RBFOX2: variants seen among roughly 807,000 people sequenced by gnomAD.
The protein encoded by RBFOX2 is RNA binding protein fox-1 homolog 2.
In RBFOX2, 10 loss-of-function variants were observed where a neutral mutation model predicts 49.1. That is an observed-to-expected ratio of 0.20 (90% CI 0.13 to 0.35). The LOEUF is 0.35. Ranked by LOEUF, RBFOX2 falls within the 10% of genes least tolerant of loss-of-function variation. The pLI, the probability that RBFOX2 is intolerant of heterozygous loss-of-function variation, is 1.00. For missense variants in RBFOX2, 323 were observed against 486.9 expected (o/e 0.66, Z 3.17); for synonymous variants, 183 against 187.4 (o/e 0.98, Z 0.19).
intron 1 of RBFOX2, among the ~76,000 whole-genome samples, chr22:35,889,862 GTGT>G (rs1354398900): frequency 2.6e-5 from 4 of 152,256 alleles, no homozygotes; most frequent in South Asian, 2.1e-4. Context: ...CCTGAATAAG[GTGT>G]TGTTATTAGC....
chr22:36,028,509 C>T, exon 1 of RBFOX2: 1 of 1,034,762 alleles, frequency 9.7e-7, no homozygotes, highest in Non-Finnish European at 1.2e-6. Flanking sequence ...ACTGTCGCGA[C>T]AGGCGGGCGC....
At chr22:35,887,453 C>T (rs2046722586) in intron 1 of RBFOX2, among the ~76,000 whole-genome samples, 1 of 152,158 alleles carries the variant, frequency 6.6e-6, no homozygotes, top group Admixed American at 6.5e-5. Context: ...ATTCTCTTTA[C>T]TCTTTTGATC....
intron 3 of RBFOX2, among the ~76,000 whole-genome samples, chr22:35,778,361 T>TCTTAGTTTTTAGA: frequency 6.6e-6 from 1 of 152,174 alleles, no homozygotes; most frequent in Non-Finnish European, 1.5e-5. Flanking sequence ...TTTTCCTAAC[T>TCTTAGTTTTTAGA]ACATCTCTTA....
chr22:35,844,558 G>A (rs1161832279), upstream of RBFOX2, among the ~76,000 whole-genome samples: 2 of 151,304 alleles, frequency 1.3e-5, no homozygotes, highest in Non-Finnish European at 1.5e-5. Context: ...GCAGTGGCAC[G>A]ATCTCAGCTC....
At chr22:35,851,254 C>T (rs1383559751) in intron 1 of RBFOX2, among the ~76,000 whole-genome samples, 1 of 152,144 alleles carries the variant, frequency 6.6e-6, no homozygotes, top group Admixed American at 6.6e-5. Context: ...CCACTATACT[C>T]GATTATCTTC....
intron 1 of RBFOX2, among the ~76,000 whole-genome samples, chr22:35,928,043 C>T (rs2051882553): frequency 6.6e-6 from 1 of 152,140 alleles, no homozygotes; most frequent in Non-Finnish European, 1.5e-5. Flanking sequence ...CTTACTAGCC[C>T]TATTTACATG....
At chr22:35,860,733 A>G (rs1390440967) in intron 1 of RBFOX2, among the ~76,000 whole-genome samples, 1 of 152,202 alleles carries the variant, frequency 6.6e-6, no homozygotes, top group Non-Finnish European at 1.5e-5. Flanking sequence ...TCTGGCTAAG[A>G]TTCTGATTGG....
At chr22:35,852,663 C>G (rs902126811) in intron 1 of RBFOX2, among the ~76,000 whole-genome samples, 1 of 152,102 alleles carries the variant, frequency 6.6e-6, no homozygotes, top group South Asian at 2.1e-4. Context: ...TCTTAAATCA[C>G]TATTAAATCT....
intron 1 of RBFOX2, among the ~76,000 whole-genome samples, chr22:35,858,953 C>A (rs2042829709): frequency 6.6e-6 from 1 of 152,084 alleles, no homozygotes. Flanking sequence ...TGAATCACCA[C>A]ATACAGACCA....
At chr22:35,998,332 C>T (rs2058272896) in intron 1 of RBFOX2, 1 of 152,122 alleles carries the variant, frequency 6.6e-6, no homozygotes, top group African/African-American at 2.4e-5. Flanking sequence ...TCTTACATTT[C>T]CTGCACACAC....
At chr22:35,876,614 T>C (rs1035699197) in intron 1 of RBFOX2, among the ~76,000 whole-genome samples, 1 of 152,086 alleles carries the variant, frequency 6.6e-6, no homozygotes, top group East Asian at 1.9e-4. Flanking sequence ...CTATAATCTA[T>C]CTAAAATTTA....
intron 6 of RBFOX2, among the ~76,000 whole-genome samples, chr22:35,764,073 A>G (rs1430561608): frequency 1.3e-5 from 2 of 152,224 alleles, no homozygotes; most frequent in African/African-American, 4.8e-5. Flanking sequence ...TGAAAAGAAA[A>G]TAAGAGGTAA....
exon 1 of RBFOX2, chr22:35,938,892 C>T (rs751011377): frequency 1.2e-6 from 2 of 1,613,666 alleles, no homozygotes; most frequent in Non-Finnish European, 8.5e-7. Context: ...GAGTCAGAGG[C>T]TCGTTCTATG....
At chr22:36,013,859 T>A (rs755131182) in intron 1 of RBFOX2, among the ~76,000 whole-genome samples, 21 of 151,932 alleles carry the variant, frequency 1.4e-4, no homozygotes, top group Admixed American at 2.0e-4. Flanking sequence ...TAGGGACACA[T>A]AGGAAGCAGA....
intron 1 of RBFOX2, chr22:35,822,774 C>T: frequency 2.4e-6 from 1 of 419,166 alleles, no homozygotes; most frequent in Non-Finnish European, 4.6e-6. Flanking sequence ...ACATTCTGAT[C>T]AACTTCTTTG....
rs1317389122 is a variant in RBFOX2 at position 35,816,728 on chromosome 22, G to A, written c.28-6724C>T. Among the ~76,000 whole-genome samples, 5 of 152,164 alleles carry A rather than the reference G, an allele frequency of 3.3e-5. No homozygotes were observed. In the South Asian group the frequency reaches 6.2e-4, roughly 19 times the overall value. ...CAATGATTATATAATAAGGATTACT[G>A]TAATAAAAACCAATCGCCATTGAAG... On this transcript the variant is annotated intron_variant, in intron 1 of 11. Transcript: ENST00000405409.
intron 4 of RBFOX2, among the ~76,000 whole-genome samples, chr22:35,777,015 A>ATTT (rs757376652): frequency 1.4e-5 from 2 of 143,880 alleles, no homozygotes; most frequent in Non-Finnish European, 3.1e-5. Flanking sequence ...AGGGGAAATA[A>ATTT]TTTTTTTTTT....
chr22:35,916,723 G>A (rs551897979), intron 1 of RBFOX2, among the ~76,000 whole-genome samples: 2 of 151,990 alleles, frequency 1.3e-5, no homozygotes, highest in Non-Finnish European at 1.5e-5. Context: ...TGATGAAACC[G>A]TCTCTACTAA....
chr22:35,915,910 G>A (rs1364464422), intron 1 of RBFOX2, among the ~76,000 whole-genome samples: 1 of 152,144 alleles, frequency 6.6e-6, no homozygotes, highest in Non-Finnish European at 1.5e-5. Context: ...CTGAGCACAA[G>A]CAAATCAGCT....
Sources: gnomAD v4.1 joint callset for allele counts (sites outside exome capture counted in the v4.1 genomes callset) on GRCh38, gnomAD v4.1.1 for gene constraint, MANE v1.5 for transcripts, NCBI Gene and HGNC (gene_info 2026-07-23, HGNC 2026-07-21) for gene names.